Variants in KAZN observed in about 807,000 individuals in gnomAD.
KAZN encodes the protein kazrin.
Under a neutral mutation model 87.4 loss-of-function variants are expected in KAZN, and 40 were observed. The observed-to-expected ratio is 0.46, with a 90% CI of 0.36 to 0.60. KAZN has a LOEUF of 0.60. Ranked by LOEUF, KAZN falls within the 20% of genes least tolerant of loss-of-function variation. The pLI is 0.00. For synonymous variants in KAZN, 466 were observed against 458.3 expected (o/e 1.02, Z -0.22); for missense variants, 898 against 1,073.9 (o/e 0.84, Z 2.29).
At chr1:15,098,520 A>G (rs947979745) in intron 10 of KAZN, among the ~76,000 whole-genome samples, 3 of 152,246 alleles carry the variant, frequency 2.0e-5, no homozygotes, top group African/African-American at 4.8e-5. Context: ...TTGTTGCACC[A>G]TTGATTTGCT....
chr1:14,177,796 T>G (rs703806), intron 1 of KAZN, among the ~76,000 whole-genome samples: 43,934 of 97,590 alleles, frequency 0.45, 6,742 homozygotes, highest in East Asian at 0.64. Context: ...GTGTGTGTGT[T>G]TTTTTTTTTT....
rs149347930 is a variant in KAZN at position 14,037,418 on chromosome 1, G to A, written c.92-143017G>A. On this transcript the variant is annotated intron_variant, in intron 1 of 16. Transcript: ENST00000636203. ...CATTTCTGATGCTTTCGTATAAAGC[G>A]GAGAAATCTCTGCACTGACTCTTGT... is the stretch of plus-strand genomic sequence containing the variant. 3.1e-3 allele frequency among the ~76,000 whole-genome samples: 468 copies of A among 152,188 alleles called. 3 individuals carry two copies. The highest frequency in any genetic ancestry group is 0.011 in the African/African-American group (439 of 41,520).
At chr1:15,013,036 C>T (rs542681075) in intron 2 of KAZN, among the ~76,000 whole-genome samples, 1 of 152,324 alleles carries the variant, frequency 6.6e-6, no homozygotes, top group Admixed American at 6.5e-5. Context: ...AACAGTTCTT[C>T]CTGACCTTCA....
chr1:14,797,473 G>A (rs559675672), intron 1 of KAZN, among the ~76,000 whole-genome samples: 7 of 152,296 alleles, frequency 4.6e-5, no homozygotes, highest in Non-Finnish European at 5.9e-5. Flanking sequence ...AAGAGGGATC[G>A]ATGTGAGGGG....
At chr1:14,813,862 TGTAGA>T in intron 1 of KAZN, among the ~76,000 whole-genome samples, 1 of 152,282 alleles carries the variant, frequency 6.6e-6, no homozygotes, top group African/African-American at 2.4e-5. Context: ...AGACAGAGGA[TGTAGA>T]GCATTTGGGT....
At chr1:14,309,740 T>TA (rs1249452321) in intron 2 of KAZN, among the ~76,000 whole-genome samples, 8 of 151,802 alleles carry the variant, frequency 5.3e-5, no homozygotes, top group East Asian at 1.9e-4. Flanking sequence ...TTAACTTTCT[T>TA]AAAAAAAATT....
intron 1 of KAZN, among the ~76,000 whole-genome samples, chr1:14,788,829 G>A (rs1041602388): frequency 7.2e-5 from 11 of 152,116 alleles, no homozygotes; most frequent in African/African-American, 2.2e-4. Flanking sequence ...ACCTAAGAAG[G>A]GAAGTGGTGT....
chr1:14,605,673 C>T (rs1677302285), intron 1 of KAZN, among the ~76,000 whole-genome samples: 2 of 152,092 alleles, frequency 1.3e-5, no homozygotes, highest in African/African-American at 4.8e-5. Context: ...CCATCATCTT[C>T]ATGTTGAGGA....
intron 1 of KAZN, among the ~76,000 whole-genome samples, chr1:14,078,813 T>C (rs1353799747): frequency 6.6e-6 from 1 of 152,178 alleles, no homozygotes; most frequent in Non-Finnish European, 1.5e-5. Flanking sequence ...ACCTCCCTGG[T>C]AGCTGGGATT....
chr1:14,941,457 C>G (rs1055038902), intron 1 of KAZN, among the ~76,000 whole-genome samples: 1 of 149,478 alleles, frequency 6.7e-6, no homozygotes, highest in African/African-American at 2.5e-5. Context: ...AACTGCCGAC[C>G]ATTGGAAAAA....
intron 2 of KAZN, among the ~76,000 whole-genome samples, chr1:14,580,331 CGAGCGTG>C (rs945777658): frequency 2.0e-5 from 3 of 151,934 alleles, no homozygotes; most frequent in Non-Finnish European, 4.4e-5. Flanking sequence ...CAAAATTAGC[CGAGCGTG>C]GTGTCGCGTG....
chr1:14,423,317 G>T (rs1665537210), intron 2 of KAZN, among the ~76,000 whole-genome samples: 1 of 152,152 alleles, frequency 6.6e-6, no homozygotes, highest in Non-Finnish European at 1.5e-5. Context: ...GAGGAAAACA[G>T]CATGTACTCT....
intron 2 of KAZN, among the ~76,000 whole-genome samples, chr1:14,333,870 A>T (rs1657027790): frequency 6.6e-6 from 1 of 152,204 alleles, no homozygotes; most frequent in East Asian, 1.9e-4. Context: ...CAAAGGCCAC[A>T]GAAATGTGGC....
intron 3 of KAZN, among the ~76,000 whole-genome samples, chr1:15,036,706 G>A (rs529112766): frequency 6.6e-6 from 1 of 152,278 alleles, no homozygotes; most frequent in South Asian, 2.1e-4. Context: ...TGACCTCCAT[G>A]CAGAGGGAGG....
chr1:14,259,055 G>T (rs778475183), intron 2 of KAZN, among the ~76,000 whole-genome samples: 19 of 152,052 alleles, frequency 1.2e-4, no homozygotes, highest in Non-Finnish European at 1.8e-4. Context: ...CATGTCCAAC[G>T]AGCTGCGGGA....
intron 2 of KAZN, among the ~76,000 whole-genome samples, chr1:15,016,431 G>A (rs899587928): frequency 7.9e-5 from 12 of 152,042 alleles, no homozygotes; most frequent in African/African-American, 1.2e-4. Flanking sequence ...GATTACAGGC[G>A]CATGCCACCG....
intron 1 of KAZN, among the ~76,000 whole-genome samples, chr1:14,922,428 T>TAC (rs1483758809): frequency 2.0e-5 from 3 of 152,194 alleles, no homozygotes; most frequent in Non-Finnish European, 4.4e-5. Flanking sequence ...CTCTGGTCAC[T>TAC]TGGTGTGGTG....
At chr1:15,070,652 G>A (rs904902570) in intron 8 of KAZN, among the ~76,000 whole-genome samples, 8 of 152,208 alleles carry the variant, frequency 5.3e-5, no homozygotes, top group East Asian at 1.9e-4. Flanking sequence ...GACATCAGTC[G>A]TTTGACAAAA....
chr1:14,274,932 C>T (rs931369321), intron 2 of KAZN, among the ~76,000 whole-genome samples: 3 of 151,180 alleles, frequency 2.0e-5, no homozygotes, highest in African/African-American at 7.3e-5. Context: ...GATTATGATT[C>T]AGCAGAGAAA....
Sources: allele counts gnomAD v4.1 joint callset (sites outside exome capture counted in the v4.1 genomes callset), GRCh38; gene constraint gnomAD v4.1.1; transcripts MANE v1.5; gene names NCBI Gene and HGNC (gene_info 2026-07-23, HGNC 2026-07-21).